Variants in ACAP2 observed in about 807,000 individuals in gnomAD.
ACAP2 encodes ArfGAP with coiled-coil, ankyrin repeat and PH domains 2.
Under a neutral mutation model 115.8 loss-of-function variants are expected in ACAP2, and 39 were observed. The observed-to-expected ratio is 0.34, with a 90% CI of 0.26 to 0.44. ACAP2 has a LOEUF of 0.44. Among genes scored for constraint, ACAP2 ranks in the 20% least tolerant of loss-of-function variants. ACAP2 has a pLI of 1.00. For missense variants in ACAP2, 662 were observed against 927.6 expected, an observed-to-expected ratio of 0.71 and a Z score of 3.72; for synonymous variants, 289 against 315.8, an observed-to-expected ratio of 0.92 and a Z score of 0.90.
chr3:195,336,298 A>T (rs1730506169), intron 7 of ACAP2: 2 of 152,046 alleles, frequency 1.3e-5, no homozygotes, highest in Admixed American at 6.6e-5. Flanking sequence ...GAAAAAAGTG[A>T]TCCCCAAATT....
intron 1 of ACAP2, among the ~76,000 whole-genome samples, chr3:195,425,390 T>C (rs574253997): frequency 2.0e-5 from 3 of 152,200 alleles, no homozygotes; most frequent in Non-Finnish European, 4.4e-5. Flanking sequence ...AAAATTATAG[T>C]ATGTTATGTG....
intron 1 of ACAP2, among the ~76,000 whole-genome samples, chr3:195,404,455 G>A (rs2108797964): frequency 6.6e-6 from 1 of 151,974 alleles, no homozygotes; most frequent in African/African-American, 2.4e-5. Context: ...TTGAATTATA[G>A]GCAGCACATG....
chr3:195,359,678 A>C (rs533431487), intron 4 of ACAP2, among the ~76,000 whole-genome samples: 9 of 152,304 alleles, frequency 5.9e-5, no homozygotes, highest in African/African-American at 2.2e-4. Flanking sequence ...CGTGTTAGCC[A>C]GGATGGTCTC....
In ACAP2 at chr3:195,276,220, C is replaced by T. The variant is rs983241273; in HGVS notation, c.*3108G>A. 1 of 152,180 alleles carries T rather than the reference C, an allele frequency of 6.6e-6. No homozygotes were observed. The highest frequency in any genetic ancestry group is 2.4e-5 in the African/African-American group (1 of 41,380). The allele number at this position is 152,180 out of a possible 1,614,324, so 9.4% of individuals were successfully genotyped here. Reference sequence around the variant, plus strand: ...TTTTCAAAATGCACTCATGAAGAACCAAAGTTCATATTCCAAATTAAATCT... The same window carrying T: ...TTTTCAAAATGCACTCATGAAGAACTAAAGTTCATATTCCAAATTAAATCT... On this transcript the variant is annotated 3_prime_UTR_variant, in exon 23 of 23. Coordinates refer to ENST00000326793, the MANE Select transcript of ACAP2 (RefSeq NM_012287.6).
rs1726340842 is a variant in ACAP2, at chr3:195,279,381, A to G, written c.2284T>C (p.Ser762Pro). The G allele has an allele frequency of 6.2e-7, 1 of 1,606,726 alleles. No individual in the cohort carries two copies. The highest frequency in any genetic ancestry group is 8.5e-7 in the Non-Finnish European group (1 of 1,178,120). The change falls in exon 23 of 23, where the codon TCC becomes CCC. Residue 762 changes from serine to proline, a missense_variant. By Grantham distance (74) the Ser-to-Pro change is moderately conservative. Coordinates refer to ENST00000326793, the MANE Select transcript of ACAP2 (RefSeq NM_012287.6). ...CGATTTAGTTTCTCTGGATTATTGG[A>G]TGCCATTTGGGAAAAATCACGAAAT... ...DIFRDFSQMA[S>P]NNPEKLNRFQ...
intron 1 of ACAP2, among the ~76,000 whole-genome samples, chr3:195,400,093 G>A (rs1712149379): frequency 6.6e-6 from 1 of 151,664 alleles, no homozygotes; most frequent in African/African-American, 2.4e-5. Flanking sequence ...CAGGAGAATC[G>A]CTTGAACCTG....
chr3:195,402,966 T>C (rs1192268729), intron 1 of ACAP2, among the ~76,000 whole-genome samples: 1 of 152,084 alleles, frequency 6.6e-6, no homozygotes, highest in Admixed American at 6.6e-5. Context: ...AGACAAGCTA[T>C]AAACAGTAAA....
chr3:195,398,682 A>G (rs1560328526), intron 1 of ACAP2, among the ~76,000 whole-genome samples: 2 of 126,616 alleles, frequency 1.6e-5, no homozygotes, highest in Non-Finnish European at 3.4e-5. Context: ...AATAAATAAA[A>G]TGTCTCTGCC....
chr3:195,385,279 T>G (rs1734223281), intron 2 of ACAP2, among the ~76,000 whole-genome samples: 7 of 151,226 alleles, frequency 4.6e-5, no homozygotes, highest in Admixed American at 4.6e-4. Flanking sequence ...TAGCACAAAC[T>G]TACTGGCACA....
At chr3:195,304,189 A>AC (rs1728266634) in intron 13 of ACAP2, among the ~76,000 whole-genome samples, 2 of 150,366 alleles carry the variant, frequency 1.3e-5, no homozygotes, top group Non-Finnish European at 3.0e-5. Context: ...AAAAAAAAAA[A>AC]AAAAAACTTC....
rs1716141288 is a variant in ACAP2, at chr3:195,442,988, A to G, written c.-141T>C. On this transcript the variant is annotated 5_prime_UTR_variant, in exon 1 of 23. The change abolishes an upstream ATG in the 5' untranslated region. Transcript: ENST00000326793. The stretch of plus-strand genomic sequence containing the variant: ...GCGAAGGGCGCCTCGCCCGCTGGTC[A>G]TAGCAGCCGCGAAGACGGCGACGAC... The G allele has an allele frequency of 4.4e-6, 3 of 689,320 alleles. No homozygotes were observed. Among genetic ancestry groups the G allele is most frequent in the South Asian group, 2.6e-5 (1 of 38,606 alleles). 42.7% of individuals were successfully genotyped at this position (689,320 alleles called of 1,614,324 possible).
At chr3:195,374,755 C>A (rs1416122152) in intron 4 of ACAP2, among the ~76,000 whole-genome samples, 1 of 151,918 alleles carries the variant, frequency 6.6e-6, no homozygotes, top group Admixed American at 6.6e-5. Flanking sequence ...CGCTCTGTCG[C>A]CCAGGCTGGA....
intron 8 of ACAP2, among the ~76,000 whole-genome samples, chr3:195,332,151 A>G (rs1291136709): frequency 6.6e-6 from 1 of 151,688 alleles, no homozygotes; most frequent in Non-Finnish European, 1.5e-5. Context: ...AAAAAAAAAA[A>G]TACTATTACA....
At chr3:195,438,235 C>A (rs1715717214) in intron 1 of ACAP2, among the ~76,000 whole-genome samples, 1 of 151,628 alleles carries the variant, frequency 6.6e-6, no homozygotes, top group African/African-American at 2.4e-5. Flanking sequence ...ACCATGCTGG[C>A]CAGGCTGGTT....
At chr3:195,283,269 AG>A (rs1726625315) in intron 22 of ACAP2, among the ~76,000 whole-genome samples, 1 of 152,174 alleles carries the variant, frequency 6.6e-6, no homozygotes, top group South Asian at 2.1e-4. Flanking sequence ...GGACTGCCAA[AG>A]AGAGACACAC....
At chr3:195,430,269 T>G (rs1442508644) in intron 1 of ACAP2, among the ~76,000 whole-genome samples, 2 of 152,248 alleles carry the variant, frequency 1.3e-5, no homozygotes, top group African/African-American at 2.4e-5. Context: ...TGAAGCTTAT[T>G]TGATGGATGT....
At chr3:195,435,021 A>C (rs541246039) in intron 1 of ACAP2, among the ~76,000 whole-genome samples, 1 of 150,696 alleles carries the variant, frequency 6.6e-6, no homozygotes, top group South Asian at 2.1e-4. Context: ...TTTTCAAAGA[A>C]CCACCTTTTG....
intron 1 of ACAP2, among the ~76,000 whole-genome samples, chr3:195,400,381 C>T (rs2029708): frequency 0.3 from 45,958 of 151,534 alleles, 7,991 homozygotes; most frequent in East Asian, 0.81. Context: ...TGCATAAAGA[C>T]AGTAGCTATA....
chr3:195,405,866 G>A (rs1361654159), intron 1 of ACAP2, among the ~76,000 whole-genome samples: 1 of 152,090 alleles, frequency 6.6e-6, no homozygotes, highest in African/African-American at 2.4e-5. Context: ...GCAGGAGCCA[G>A]GGGCAGGGGG....
Sources: gnomAD v4.1 joint callset for allele counts (sites outside exome capture counted in the v4.1 genomes callset) on GRCh38, gnomAD v4.1.1 for gene constraint, MANE v1.5 for transcripts, NCBI Gene and HGNC (gene_info 2026-07-23, HGNC 2026-07-21) for gene names.